Variants in RFX3 observed in about 807,000 individuals in gnomAD.
The protein encoded by RFX3 is regulatory factor X3, also known as transcription factor RFX3.
In RFX3, 14 loss-of-function variants were observed where a neutral mutation model predicts 98.6. The ratio of observed to expected loss-of-function variants is 0.14; its 90% confidence interval spans 0.09 to 0.22. The LOEUF (loss-of-function observed/expected upper bound fraction) is 0.22, where lower values mean the gene tolerates loss of function less well. RFX3 is among the 10% of genes least tolerant of loss of function. RFX3 has a pLI of 1.00. For synonymous variants in RFX3, 383 were observed against 328.4 expected, an observed-to-expected ratio of 1.17 and a Z score of -1.80; for missense variants, 639 against 926.9, an observed-to-expected ratio of 0.69 and a Z score of 4.03.
intron 9 of RFX3, among the ~76,000 whole-genome samples, chr9:3,272,702 T>C (rs1252758920): frequency 6.6e-6 from 1 of 152,186 alleles, no homozygotes; most frequent in African/African-American, 2.4e-5. Context: ...TAATACCTTA[T>C]ACATAATACC....
At chr9:3,295,510 C>G (rs1049752077) in intron 5 of RFX3, among the ~76,000 whole-genome samples, 1 of 151,178 alleles carries the variant, frequency 6.6e-6, no homozygotes, top group Non-Finnish European at 1.5e-5. Context: ...AAAGAAGACA[C>G]GAAAGAAAAA....
At chr9:3,457,158 A>AG (rs1438453619) in intron 1 of RFX3, among the ~76,000 whole-genome samples, 1 of 150,282 alleles carries the variant, frequency 6.7e-6, no homozygotes, top group African/African-American at 2.4e-5. Context: ...AAAAAAAAAA[A>AG]AAAAAAAAAA....
At chr9:3,336,405 A>C (rs1349292979) in intron 3 of RFX3, among the ~76,000 whole-genome samples, 3 of 148,566 alleles carry the variant, frequency 2.0e-5, no homozygotes, top group Non-Finnish European at 4.5e-5. Context: ...CTATGAAAGC[A>C]AAAAAAAAAT....
At chr9:3,485,067 G>A (rs926354987) in intron 1 of RFX3, among the ~76,000 whole-genome samples, 22 of 151,994 alleles carry the variant, frequency 1.4e-4, no homozygotes, top group Non-Finnish European at 2.2e-4. Context: ...AACTATGACG[G>A]TATCACCGCA....
chr9:3,408,313 C>T (rs982222458), intron 1 of RFX3, among the ~76,000 whole-genome samples: 1 of 152,082 alleles, frequency 6.6e-6, no homozygotes, highest in Non-Finnish European at 1.5e-5. Flanking sequence ...TAATAAAGCC[C>T]CATAGCAATC....
chr9:3,504,965 A>AATATAT (rs1564186097), intron 1 of RFX3, among the ~76,000 whole-genome samples: 2 of 78,058 alleles, frequency 2.6e-5, no homozygotes, highest in African/African-American at 1.1e-4. Flanking sequence ...TATTATATAT[A>AATATAT]ATATATATTA....
intron 1 of RFX3, among the ~76,000 whole-genome samples, chr9:3,441,511 G>A (rs1194209537): frequency 6.6e-6 from 1 of 152,044 alleles, no homozygotes; most frequent in African/African-American, 2.4e-5. Context: ...TGGCGCTGGG[G>A]CATAGAAAAT....
At chr9:3,469,106 G>A (rs1372516845) in intron 1 of RFX3, 2 of 430,088 alleles carry the variant, frequency 4.7e-6, no homozygotes, top group Non-Finnish European at 9.4e-6. Flanking sequence ...TGGTTACAAT[G>A]AAACTATGTT....
intron 7 of RFX3, among the ~76,000 whole-genome samples, chr9:3,287,622 T>C (rs1441715735): frequency 6.6e-6 from 1 of 151,960 alleles, no homozygotes; most frequent in Non-Finnish European, 1.5e-5. Context: ...CGTCCATACG[T>C]CCATCCATCC....
At chr9:3,511,073 G>A (rs1297772706) in intron 1 of RFX3, among the ~76,000 whole-genome samples, 1 of 151,892 alleles carries the variant, frequency 6.6e-6, no homozygotes, top group Non-Finnish European at 1.5e-5. Context: ...AATATATTAA[G>A]TCATACACAA....
intron 3 of RFX3, among the ~76,000 whole-genome samples, chr9:3,340,042 C>A (rs201761416): frequency 6.6e-6 from 1 of 152,094 alleles, no homozygotes; most frequent in Admixed American, 6.6e-5. Flanking sequence ...ATGGTACTGG[C>A]ACCAAAACAA....
intron 1 of RFX3, among the ~76,000 whole-genome samples, chr9:3,449,707 G>C (rs1846393736): frequency 6.6e-6 from 1 of 151,868 alleles, no homozygotes; most frequent in African/African-American, 2.4e-5. Flanking sequence ...AAAAAAATTA[G>C]CCAGGTGTGG....
At chr9:3,430,182 GA>G (rs1844520271) in intron 1 of RFX3, among the ~76,000 whole-genome samples, 1 of 152,158 alleles carries the variant, frequency 6.6e-6, no homozygotes, top group Non-Finnish European at 1.5e-5. Flanking sequence ...ACTTTCAAAA[GA>G]AATCTTACAT....
chr9:3,409,593 A>G (rs1430792765), intron 1 of RFX3, among the ~76,000 whole-genome samples: 1 of 152,226 alleles, frequency 6.6e-6, no homozygotes, highest in Non-Finnish European at 1.5e-5. Context: ...CAGGCAGTTG[A>G]CAATTTAGAA....
At chr9:3,524,641 C>A in intron 1 of RFX3, 1 of 983,088 alleles carries the variant, frequency 1.0e-6, no homozygotes, top group Non-Finnish European at 1.2e-6. Flanking sequence ...TGTGTCCCTT[C>A]CCTGTTCATC....
intron 4 of RFX3, among the ~76,000 whole-genome samples, chr9:3,304,047 T>A (rs927585337): frequency 1.5e-4 from 23 of 152,014 alleles, no homozygotes; most frequent in African/African-American, 5.3e-4. Flanking sequence ...ACTGAGTTCT[T>A]CTACAAGGAA....
At chr9:3,226,803 C>T (rs1476047831) in intron 16 of RFX3, among the ~76,000 whole-genome samples, 1 of 152,142 alleles carries the variant, frequency 6.6e-6, no homozygotes, top group Non-Finnish European at 1.5e-5. Flanking sequence ...CATAAAACAA[C>T]AATGTCTGTA....
chr9:3,493,670 C>T (rs1439303145), intron 1 of RFX3, among the ~76,000 whole-genome samples: 2 of 107,832 alleles, frequency 1.9e-5, no homozygotes, highest in Admixed American at 1.3e-4. Context: ...GGCGACAAAG[C>T]GAGACTCATC....
intron 1 of RFX3, among the ~76,000 whole-genome samples, chr9:3,467,125 T>TAA (rs1564138940): frequency 3.2e-5 from 3 of 95,156 alleles, no homozygotes; most frequent in South Asian, 2.5e-4. Flanking sequence ...CATACATATA[T>TAA]GTAAGTATAT....
Sources: gnomAD v4.1 joint callset for allele counts (sites outside exome capture counted in the v4.1 genomes callset) on GRCh38, gnomAD v4.1.1 for gene constraint, MANE v1.5 for transcripts, NCBI Gene and HGNC (gene_info 2026-07-23, HGNC 2026-07-21) for gene names.